Variants in NKAIN2 observed in about 807,000 individuals in gnomAD.
The protein encoded by NKAIN2 is sodium/potassium-transporting ATPase subunit beta-1-interacting protein 2.
In NKAIN2, 14 loss-of-function variants were observed where a neutral mutation model predicts 32.6. That is an observed-to-expected ratio of 0.43 (90% CI 0.28 to 0.67). The LOEUF (loss-of-function observed/expected upper bound fraction) is 0.67. NKAIN2 is among the 30% of genes least tolerant of loss of function. The pLI is 0.17. For synonymous variants in NKAIN2, 80 were observed against 87.2 expected (o/e 0.92, Z 0.46); for missense variants, 198 against 258.3 (o/e 0.77, Z 1.60).
chr6:124,495,040 A>G (rs1270161658), intron 3 of NKAIN2, among the ~76,000 whole-genome samples: 1 of 152,164 alleles, frequency 6.6e-6, no homozygotes, highest in Non-Finnish European at 1.5e-5. Context: ...ATGTTATAAT[A>G]AATGCCTATT....
chr6:124,259,729 T>C (rs922664990), intron 1 of NKAIN2, among the ~76,000 whole-genome samples: 2 of 152,172 alleles, frequency 1.3e-5, no homozygotes, highest in Non-Finnish European at 2.9e-5. Flanking sequence ...GTCCACTTTC[T>C]GTCTCTGAAG....
chr6:124,191,541 C>T (rs987342276), intron 1 of NKAIN2, among the ~76,000 whole-genome samples: 3 of 152,084 alleles, frequency 2.0e-5, no homozygotes, highest in African/African-American at 7.2e-5. Context: ...GATCAAGTCA[C>T]CTCACAACAG....
chr6:124,013,465 C>A (rs1780428607), intron 1 of NKAIN2, among the ~76,000 whole-genome samples: 1 of 152,092 alleles, frequency 6.6e-6, no homozygotes, highest in Non-Finnish European at 1.5e-5. Context: ...TTTCTCAAAT[C>A]ACTGTTAAGA....
Position 124,200,677 on chromosome 6 carries a change from C to T in NKAIN2, c.55-82328C>T, listed in dbSNP as rs554877937. On this transcript the variant is annotated intron_variant, in intron 1 of 6. Transcript: ENST00000368417. ...AAGAACAGCACAATAAATTGTGCCT[C>T]GTCTTTTCTCAATGAAGCTTGTCCA... 4.6e-5 allele frequency among the ~76,000 whole-genome samples: 7 copies of T among 152,150 alleles called. No homozygotes were observed. The South Asian group carries it at 1.0e-3, about 23-fold the overall frequency.
rs533520693 is a variant in NKAIN2, at chr6:124,275,390, A to C, written c.55-7615A>C. Among the ~76,000 whole-genome samples the C allele has an allele frequency of 4.6e-5, 7 of 152,242 alleles. No homozygotes were observed. In the East Asian group the frequency reaches 7.7e-4, roughly 17 times the overall value. ...ATTTCAGTAATACAAATTATGAGAA[A>C]ATGCACTTCTTGTCTCTATTTGGTT... On this transcript the variant is annotated intron_variant, in intron 1 of 6. Coordinates refer to ENST00000368417, the MANE Select transcript of NKAIN2 (RefSeq NM_001040214.3).
chr6:124,193,611 G>A (rs1205749387), intron 1 of NKAIN2, among the ~76,000 whole-genome samples: 1 of 152,148 alleles, frequency 6.6e-6, no homozygotes, highest in Admixed American at 6.5e-5. Context: ...TTGTGAGCAA[G>A]GGACGTATTT....
rs201961719 is a variant in NKAIN2 at position 124,140,337 on chromosome 6, G to A, written c.55-142668G>A. ...ACTGAAAAGCATAAATTTATAATACGCATCATGTTTATTCATTTTAAAAGT... is the reference window on the plus strand; with the variant it reads ...ACTGAAAAGCATAAATTTATAATACACATCATGTTTATTCATTTTAAAAGT... On this transcript the variant is annotated intron_variant, in intron 1 of 6. Transcript: ENST00000368417. Among the ~76,000 whole-genome samples the A allele has an allele frequency of 2.0e-5, 3 of 152,182 alleles. No individual in the cohort carries two copies. In the South Asian group the frequency reaches 6.2e-4, roughly 32 times the overall value.
chr6:124,468,828 T>C (rs1257514165), intron 3 of NKAIN2, among the ~76,000 whole-genome samples: 1 of 152,162 alleles, frequency 6.6e-6, no homozygotes, highest in African/African-American at 2.4e-5. Context: ...ACACTAACAT[T>C]TTGAACCAAA....
intron 1 of NKAIN2, among the ~76,000 whole-genome samples, chr6:123,822,675 T>TA (rs1773975593): frequency 6.6e-6 from 1 of 152,224 alleles, no homozygotes; most frequent in East Asian, 1.9e-4. Context: ...TGTGAAAGGA[T>TA]AGAGTTGGGT....
chr6:124,048,164 T>C (rs1782231686), intron 1 of NKAIN2, among the ~76,000 whole-genome samples: 1 of 152,016 alleles, frequency 6.6e-6, no homozygotes, highest in Admixed American at 6.6e-5. Context: ...TGCCCCTCAT[T>C]GGATGCTTTC....
At chr6:123,937,401 C>T (rs978108100) in intron 1 of NKAIN2, among the ~76,000 whole-genome samples, 1 of 152,194 alleles carries the variant, frequency 6.6e-6, no homozygotes, top group South Asian at 2.1e-4. Flanking sequence ...GTACAGTCAT[C>T]TTCCATTTAC....
chr6:124,533,470 T>TAAAAAAAAAAAA (rs1779601196), intron 3 of NKAIN2, among the ~76,000 whole-genome samples: 1 of 1,552 alleles, frequency 6.4e-4, no homozygotes, highest in African/African-American at 1.4e-3. Flanking sequence ...AGACTCTGTC[T>TAAAAAAAAAAAA]CAAAAAAAAA....
chr6:124,159,925 T>C (rs1053687372), intron 1 of NKAIN2, among the ~76,000 whole-genome samples: 1 of 152,206 alleles, frequency 6.6e-6, no homozygotes, highest in Non-Finnish European at 1.5e-5. Context: ...AAATATTCGA[T>C]GTTCTACAGC....
At chr6:123,898,659 A>G (rs1281397863) in intron 1 of NKAIN2, among the ~76,000 whole-genome samples, 1 of 151,758 alleles carries the variant, frequency 6.6e-6, no homozygotes, top group Non-Finnish European at 1.5e-5. Flanking sequence ...AGGCCTGTAT[A>G]GTTTATTTAA....
chr6:124,215,829 T>C (rs1008758005), intron 1 of NKAIN2, among the ~76,000 whole-genome samples: 5 of 152,052 alleles, frequency 3.3e-5, no homozygotes, highest in Admixed American at 3.3e-4. Context: ...CTGTTAAAGA[T>C]AGTCCTGGCC....
At chr6:124,049,987 A>G (rs542533141) in intron 1 of NKAIN2, among the ~76,000 whole-genome samples, 2 of 152,144 alleles carry the variant, frequency 1.3e-5, no homozygotes, top group African/African-American at 4.8e-5. Context: ...CGAGTTTTCT[A>G]AGATCTATGG....
chr6:124,191,175 G>T (rs775072952), intron 1 of NKAIN2, among the ~76,000 whole-genome samples: 1 of 152,074 alleles, frequency 6.6e-6, no homozygotes, highest in Non-Finnish European at 1.5e-5. Context: ...TTACAAAAAC[G>T]TTTGTAGAAT....
chr6:124,624,964 C>T (rs1350511949), intron 3 of NKAIN2, among the ~76,000 whole-genome samples: 1 of 152,132 alleles, frequency 6.6e-6, no homozygotes, highest in African/African-American at 2.4e-5. Flanking sequence ...TTCTAATCTT[C>T]TAGCTTTAGC....
intron 1 of NKAIN2, among the ~76,000 whole-genome samples, chr6:123,949,584 T>C (rs1261225721): frequency 1.3e-5 from 2 of 151,916 alleles, no homozygotes; most frequent in Non-Finnish European, 2.9e-5. Context: ...GATTGCCTTC[T>C]TGATTTTTTC....
Sources: allele counts gnomAD v4.1 joint callset (sites outside exome capture counted in the v4.1 genomes callset), GRCh38; gene constraint gnomAD v4.1.1; transcripts MANE v1.5; gene names NCBI Gene and HGNC (gene_info 2026-07-23, HGNC 2026-07-21).